Variants in ANXA13 observed in about 807,000 individuals in gnomAD.
The protein encoded by ANXA13 is annexin A13.
A neutral mutation model predicts 46.6 loss-of-function variants in ANXA13; 36 were observed. That is an observed-to-expected ratio of 0.77 (90% CI 0.59 to 1.02). The LOEUF (loss-of-function observed/expected upper bound fraction) is 1.02, where lower values mean the gene tolerates loss of function less well. Ranked by LOEUF, ANXA13 falls within the 50% of genes least tolerant of loss-of-function variation. The pLI is 0.00. For missense variants in ANXA13, 417 were observed against 396.5 expected (o/e 1.05, Z -0.44); for synonymous variants, 163 against 152.9 (o/e 1.07, Z -0.49).
Position 123,702,724 on chromosome 8 carries a change from G to C in ANXA13, c.104C>G (p.Ala35Gly). ...GCCCGATAAGATTTCAATGATGGCTGCTTCATTGGTCCCTAAAATACAGGA... is the reference window on the plus strand; with the variant it reads ...GCCCGATAAGATTTCAATGATGGCTCCTTCATTGGTCCCTAAAATACAGGA... Reference protein sequence around the residue: ...KACKGMGTNEAAIIEILSGRT... With the variant: ...KACKGMGTNEGAIIEILSGRT... Residue 35 changes from alanine (A) to glycine (G), a missense_variant, in exon 3 of 11, where the codon GCA (alanine) becomes GGA (glycine). Transcript: ENST00000419625. 3 of 1,613,408 alleles carry C rather than the reference G, an allele frequency of 1.9e-6. No homozygotes were observed. Among genetic ancestry groups the C allele is most frequent in the Non-Finnish European group, 2.5e-6 (3 of 1,179,406 alleles).
intron 4 of ANXA13, among the ~76,000 whole-genome samples, chr8:123,697,946 G>A (rs1225017414): frequency 1.3e-5 from 2 of 152,162 alleles, no homozygotes; most frequent in East Asian, 3.9e-4. Context: ...GTGTTCACTG[G>A]CATCCCCCAG....
intron 1 of ANXA13, chr8:123,735,804 T>G: frequency 6.2e-7 from 1 of 1,613,010 alleles, no homozygotes; most frequent in Non-Finnish European, 8.5e-7. Flanking sequence ...GCTGAGAGGC[T>G]GCACGACTGT....
intron 1 of ANXA13, among the ~76,000 whole-genome samples, chr8:123,734,256 C>T (rs540664200): frequency 3.9e-5 from 6 of 152,312 alleles, no homozygotes; most frequent in Non-Finnish European, 5.9e-5. Flanking sequence ...TAATATTGAT[C>T]TCACTTCTGT....
intron 8 of ANXA13, 81 bp from the exon 9 acceptor site, chr8:123,689,027 G>T (rs927907756): frequency 8.5e-5 from 118 of 1,381,636 alleles, no homozygotes; most frequent in Admixed American, 2.4e-4. Context: ...TCTACAAAAA[G>T]CACTCAAGTT....
At chr8:123,681,625 T>C (rs1015510292) in intron 10 of ANXA13, among the ~76,000 whole-genome samples, 4 of 149,278 alleles carry the variant, frequency 2.7e-5, no homozygotes, top group African/African-American at 9.9e-5. Flanking sequence ...ATTTCTTTTT[T>C]TTTTTTTTTT....
At chr8:123,732,672 G>T (rs4418323) in intron 1 of ANXA13, among the ~76,000 whole-genome samples, 33,601 of 143,922 alleles carry the variant, frequency 0.23, 4,978 homozygotes, top group Non-Finnish European at 0.34. Flanking sequence ...TGGCTGGTTT[G>T]TTTTTTTTTT....
At chr8:123,688,760 C>A in intron 9 of ANXA13, 111 bp downstream of exon 9, 2 of 921,376 alleles carry the variant, frequency 2.2e-6, no homozygotes, top group East Asian at 5.0e-5. Flanking sequence ...CTGCTTAGAC[C>A]TGTTGACCCC....
At chr8:123,736,634 C>T (rs1268585197) in intron 1 of ANXA13, among the ~76,000 whole-genome samples, 2 of 152,170 alleles carry the variant, frequency 1.3e-5, no homozygotes, top group African/African-American at 4.8e-5. Context: ...GCAACATGAA[C>T]CTATCTTTCC....
At chr8:123,713,639 G>C (rs1813703307) in intron 1 of ANXA13, among the ~76,000 whole-genome samples, 1 of 152,120 alleles carries the variant, frequency 6.6e-6, no homozygotes, top group Non-Finnish European at 1.5e-5. Flanking sequence ...CACACCCTGA[G>C]TTTCCTGTCT....
intron 3 of ANXA13, among the ~76,000 whole-genome samples, chr8:123,701,493 CA>C (rs975436931): frequency 6.6e-6 from 1 of 151,816 alleles, no homozygotes; most frequent in East Asian, 1.9e-4. Context: ...ACAACAACAA[CA>C]AAAAAAACCA....
chr8:123,715,930 A>C (rs1198626242), intron 1 of ANXA13, among the ~76,000 whole-genome samples: 1 of 152,190 alleles, frequency 6.6e-6, no homozygotes, highest in Non-Finnish European at 1.5e-5. Context: ...GGGTGAGACA[A>C]AAGAATGCTC....
chr8:123,684,470 C>G (rs1813099371), intron 10 of ANXA13, 140 bp downstream of exon 10: 2 of 621,932 alleles, frequency 3.2e-6, no homozygotes, highest in Non-Finnish European at 5.8e-6. Context: ...ATGTCTTCTG[C>G]AAATTCTGGG....
intron 1 of ANXA13, among the ~76,000 whole-genome samples, chr8:123,721,495 G>A (rs995806646): frequency 9.9e-5 from 15 of 152,278 alleles, no homozygotes; most frequent in Admixed American, 2.0e-4. Flanking sequence ...TATTCAACAC[G>A]TGGTGAGTGC....
intron 10 of ANXA13, among the ~76,000 whole-genome samples, chr8:123,683,897 T>G (rs956483242): frequency 6.6e-6 from 1 of 152,208 alleles, no homozygotes; most frequent in African/African-American, 2.4e-5. Flanking sequence ...AGCTGTGATC[T>G]TGACGGCTGC....
chr8:123,718,657 A>AGGTCTACATGT lies in ANXA13; in HGVS notation c.16-5915_16-5905dup. Among the ~76,000 whole-genome samples the AGGTCTACATGT allele has an allele frequency of 2.6e-5, 4 of 152,324 alleles. No individual in the cohort carries two copies. The Middle Eastern group carries it at 0.014, about 518-fold the overall frequency. ...ACTTTGGTTTTTTCTTCCTTCTAGT[A>AGGTCTACATGT]GGTCTACATGTCCTTCTCTGTGTAT... On this transcript the variant is annotated intron_variant, in intron 1 of 10. Coordinates refer to ENST00000419625, the MANE Select transcript of ANXA13 (RefSeq NM_004306.4).
rs1813388337 is a variant in ANXA13 at position 123,698,547 on chromosome 8, C to T, written c.199G>A (p.Val67Ile). The T allele has an allele frequency of 1.2e-6, 2 of 1,614,132 alleles. No individual in the cohort carries two copies. Among genetic ancestry groups the T allele is most frequent in the African/African-American group, 2.7e-5 (2 of 75,074 alleles). ...TTTCCACTCAGCTCACTCTTGAGTA[C>T]TTCCTCCAGCTCCTACCAGAAGACA... ...KATYGKELEE[V>I]LKSELSGNFE... The change falls in exon 4 of 11, where the codon GTA (valine) becomes ATA (isoleucine). Residue 67 changes from valine to isoleucine, a missense_variant. Physicochemically the swap from Val to Ile is conservative, Grantham distance 29 (BLOSUM62 3). Coordinates refer to ENST00000419625, the MANE Select transcript of ANXA13 (RefSeq NM_004306.4).
At chr8:123,706,079 G>T (rs1322587357) in intron 2 of ANXA13, among the ~76,000 whole-genome samples, 1 of 152,222 alleles carries the variant, frequency 6.6e-6, no homozygotes, top group Non-Finnish European at 1.5e-5. Context: ...TGGAGAAACA[G>T]AATTCTAGGA....
intron 10 of ANXA13, among the ~76,000 whole-genome samples, chr8:123,682,545 C>T (rs888327225): frequency 6.6e-6 from 1 of 152,168 alleles, no homozygotes; most frequent in Non-Finnish European, 1.5e-5. Flanking sequence ...TGAGCTGAGA[C>T]AGTGAGAGAA....
intron 4 of ANXA13, among the ~76,000 whole-genome samples, chr8:123,695,961 T>G (rs905069889): frequency 8.1e-6 from 1 of 123,844 alleles, no homozygotes; most frequent in Admixed American, 1.1e-4. Flanking sequence ...AAGTGACAAA[T>G]GCATGCATTC....
Sources: gnomAD v4.1 joint callset for allele counts (sites outside exome capture counted in the v4.1 genomes callset) on GRCh38, gnomAD v4.1.1 for gene constraint, MANE v1.5 for transcripts, NCBI Gene and HGNC (gene_info 2026-07-23, HGNC 2026-07-21) for gene names.